Variants in AKT2 observed in about 807,000 individuals in gnomAD.
The protein encoded by AKT2 is AKT serine/threonine kinase 2, also known as RAC-beta serine/threonine-protein kinase.
Under a neutral mutation model 58.6 loss-of-function variants are expected in AKT2, and 16 were observed. The observed-to-expected ratio is 0.27, with a 90% CI of 0.18 to 0.41. The LOEUF is 0.41. AKT2 is among the 10% of genes least tolerant of loss of function. AKT2 has a pLI of 1.00. For missense variants in AKT2, 438 were observed against 661.0 expected (o/e 0.66, Z 3.70); for synonymous variants, 253 against 254.0 (o/e 1.00, Z 0.04).
chr19:40,259,820 A>G (rs1975808146), intron 2 of AKT2, among the ~76,000 whole-genome samples: 1 of 152,244 alleles, frequency 6.6e-6, no homozygotes, highest in East Asian at 1.9e-4. Context: ...AGATGAAAAG[A>G]TGTTCAGCAT....
At chr19:40,249,196 A>G (rs1258906200) in intron 4 of AKT2, among the ~76,000 whole-genome samples, 1 of 152,100 alleles carries the variant, frequency 6.6e-6, no homozygotes, top group Non-Finnish European at 1.5e-5. Context: ...TCAGGGGGGA[A>G]CAGGCTCCAA....
At chr19:40,257,435 G>A (rs1255858626) in intron 2 of AKT2, among the ~76,000 whole-genome samples, 1 of 152,230 alleles carries the variant, frequency 6.6e-6, no homozygotes, top group Non-Finnish European at 1.5e-5. Context: ...AATCCCATGG[G>A]CTGGGATTCA....
intron 2 of AKT2, among the ~76,000 whole-genome samples, chr19:40,257,407 TG>T (rs1373831516): frequency 3.9e-5 from 6 of 152,250 alleles, no homozygotes; most frequent in Non-Finnish European, 5.9e-5. Context: ...ACACATGCCC[TG>T]TGGCCCTGTA....
Position 40,238,159 on chromosome 19 carries a change from C to G in AKT2, c.709-68G>C. On this transcript the variant is annotated intron_variant, in intron 8 of 13. Transcript: ENST00000392038. This position sits in a 1 kb window ranked among gnomAD's most constrained non-coding sequence, Gnocchi z 5.1. ...CACCCACCTGCCCTCACCTTCCCAGCCCCCTGCCCCAGCGCAGTGATGTGG... is the reference window on the plus strand; with the variant it reads ...CACCCACCTGCCCTCACCTTCCCAGGCCCCTGCCCCAGCGCAGTGATGTGG... The G allele has an allele frequency of 6.5e-7, 1 of 1,541,814 alleles. No homozygotes were observed. The highest frequency in any genetic ancestry group is 8.8e-7 in the Non-Finnish European group (1 of 1,142,148).
At chr19:40,239,166 G>A (rs533907242) in intron 7 of AKT2, 193 bp from the exon 8 acceptor site, 20 of 577,722 alleles carry the variant, frequency 3.5e-5, no homozygotes, top group African/African-American at 1.3e-4. Flanking sequence ...ATGGCTCTGC[G>A]GTAGGAAAGG....
At chr19:40,284,103 T>C (rs1002431461) in intron 1 of AKT2, among the ~76,000 whole-genome samples, 3 of 152,134 alleles carry the variant, frequency 2.0e-5, no homozygotes, top group African/African-American at 7.2e-5. Context: ...TTGGAGGCTC[T>C]AGTTACTCCA....
chr19:40,285,135 GACCATCGTGGGGGGGGCGTTCGGGGAC>G lies in AKT2; in HGVS notation c.-85+19_-85+45del, dbSNP rs2077492042. 2.6e-6 allele frequency: 1 copy of G among 391,848 alleles called. No individual in the cohort carries two copies. Among genetic ancestry groups the G allele is most frequent in the African/African-American group, 2.1e-5 (1 of 48,240 alleles). 24.3% of individuals were successfully genotyped at this position (391,848 alleles called of 1,614,324 possible). A position where few individuals can be genotyped will look rare whatever the true frequency, so the allele number is the denominator to read the frequency against. ...GCGGCACCGCGGGGGGCCCGGACGC[GACCATCGTGGGGGGGGCGTTCGGGGAC>G]ACGCGCTGGCGCACTCACCTGTCAC... On this transcript the variant is annotated intron_variant, in intron 1 of 13. Coordinates refer to ENST00000392038, the MANE Select transcript of AKT2 (RefSeq NM_001626.6).
chr19:40,249,334 G>A (rs896890731), intron 4 of AKT2, among the ~76,000 whole-genome samples: 6 of 152,210 alleles, frequency 3.9e-5, no homozygotes, highest in Non-Finnish European at 8.8e-5. Context: ...TACCAGTGCT[G>A]CGTGTGCCAA....
chr19:40,240,171 G>T, intron 6 of AKT2, 61 bp from the exon 7 acceptor site: 1 of 1,524,932 alleles, frequency 6.6e-7, no homozygotes, highest in Non-Finnish European at 9.1e-7. Flanking sequence ...ACTCCGCCCC[G>T]ACGAAGGGGA....
rs1472395567 is a variant in AKT2 at position 40,236,741 on chromosome 19, C to T, written c.832-356G>A. On this transcript the variant is annotated intron_variant, in intron 9 of 13. Transcript: ENST00000392038. ...TTCTGTCCTTTAATTATGAAATATG[C>T]AGCCAGGCAAAGTGGCTCACACCTG... 3.2e-5 allele frequency: 11 copies of T among 343,236 alleles called. No homozygotes were observed. In the Admixed American group the frequency reaches 4.6e-4, roughly 14 times the overall value. The allele number at this position is 343,236 out of a possible 1,614,324, so 21.3% of individuals were successfully genotyped here.
At chr19:40,254,024 T>C (rs1364859513) in intron 4 of AKT2, among the ~76,000 whole-genome samples, 1 of 150,144 alleles carries the variant, frequency 6.7e-6, no homozygotes, top group East Asian at 1.9e-4. Context: ...AAGGTCTCCC[T>C]CTGCTCTTTG....
intron 1 of AKT2, chr19:40,283,292 CAGTT>C (rs2077456229): frequency 6.6e-6 from 1 of 152,260 alleles, no homozygotes; most frequent in African/African-American, 2.4e-5. Flanking sequence ...AGAATGCACT[CAGTT>C]ACTGTCAGCC....
chr19:40,273,076 G>T (rs891515665), intron 1 of AKT2, among the ~76,000 whole-genome samples: 2 of 152,160 alleles, frequency 1.3e-5, no homozygotes, highest in Non-Finnish European at 2.9e-5. Context: ...AGGCGCGGTG[G>T]CTCATGACTG....
intron 1 of AKT2, among the ~76,000 whole-genome samples, chr19:40,276,343 ATCTTTTTTTTT>A (rs2077323161): frequency 1.0e-5 from 1 of 98,854 alleles, no homozygotes; most frequent in Non-Finnish European, 2.0e-5. Context: ...GTAAAATGGA[ATCTTTTTTTTT>A]TTTTTTTTTT....
At chr19:40,276,036 A>G (rs7260517) in intron 1 of AKT2, among the ~76,000 whole-genome samples, 109,585 of 150,612 alleles carry the variant, frequency 0.73, 40,091 homozygotes, top group African/African-American at 0.79. Context: ...AAGTCCATAC[A>G]TGGCTAGTAG....
intron 1 of AKT2, among the ~76,000 whole-genome samples, chr19:40,273,851 CT>C (rs1403867890): frequency 2.0e-5 from 3 of 152,140 alleles, no homozygotes; most frequent in Non-Finnish European, 4.4e-5. Context: ...TGTCCCTCCC[CT>C]GCTCAGGACC....
intron 1 of AKT2, among the ~76,000 whole-genome samples, chr19:40,267,641 A>G (rs1463255852): frequency 2.6e-5 from 4 of 152,204 alleles, no homozygotes; most frequent in Non-Finnish European, 5.9e-5. Context: ...ACATGAAGAA[A>G]GAGGCCAAGT....
chr19:40,275,778 G>GGGGGGGGGGGTGGAA (rs57322271), intron 1 of AKT2, among the ~76,000 whole-genome samples: 1 of 55,764 alleles, frequency 1.8e-5, no homozygotes, highest in Non-Finnish European at 3.9e-5. Context: ...GGGGGGGGGG[G>GGGGGGGGGGGTGGAA]TGGGCGGGGG....
chr19:40,246,181 G>A (rs1568534976), intron 4 of AKT2, among the ~76,000 whole-genome samples: 1 of 151,422 alleles, frequency 6.6e-6, no homozygotes, highest in East Asian at 1.9e-4. Context: ...TTTGTTTTTG[G>A]AGACAGAGTC....
Sources: allele counts gnomAD v4.1 joint callset (sites outside exome capture counted in the v4.1 genomes callset), GRCh38; gene constraint gnomAD v4.1.1; non-coding constraint Gnocchi (gnomAD v3.1); transcripts MANE v1.5; gene names NCBI Gene and HGNC (gene_info 2026-07-23, HGNC 2026-07-21).